Variants in EXOC4 observed in about 807,000 individuals in gnomAD.
EXOC4 encodes the protein SEC8-like 1.
In EXOC4, 71 loss-of-function variants were observed where a neutral mutation model predicts 107.2. The observed-to-expected ratio is 0.66, with a 90% CI of 0.55 to 0.81. The LOEUF (loss-of-function observed/expected upper bound fraction) is 0.81. Among genes scored for constraint, EXOC4 ranks in the 30% least tolerant of loss-of-function variants. EXOC4 has a pLI of 0.00. For synonymous variants in EXOC4, 456 were observed against 441.2 expected, an observed-to-expected ratio of 1.03 and a Z score of -0.42; for missense variants, 1,108 against 1,189.6, an observed-to-expected ratio of 0.93 and a Z score of 1.01.
intron 9 of EXOC4, among the ~76,000 whole-genome samples, chr7:133,622,928 T>C (rs1470538178): frequency 6.6e-6 from 1 of 152,180 alleles, no homozygotes; most frequent in Non-Finnish European, 1.5e-5. Context: ...GTTTGAATAA[T>C]GAACCTACTC....
chr7:133,728,587 C>T (rs1212417455), intron 10 of EXOC4, among the ~76,000 whole-genome samples: 7 of 152,154 alleles, frequency 4.6e-5, no homozygotes, highest in South Asian at 2.1e-4. Context: ...GTAAACTTCC[C>T]TTACTTCATT....
chr7:133,935,919 C>G (rs1038201364), intron 13 of EXOC4, among the ~76,000 whole-genome samples: 1 of 152,158 alleles, frequency 6.6e-6, no homozygotes, highest in African/African-American at 2.4e-5. Flanking sequence ...TTAATCCTTA[C>G]ATTACTTCAT....
chr7:133,697,824 T>G (rs1359935046), intron 10 of EXOC4, among the ~76,000 whole-genome samples: 1 of 152,168 alleles, frequency 6.6e-6, no homozygotes, highest in Non-Finnish European at 1.5e-5. Flanking sequence ...AGATGATAAG[T>G]TATCCACGGT....
intron 17 of EXOC4, among the ~76,000 whole-genome samples, chr7:134,050,937 T>C (rs757152672): frequency 1.7e-4 from 26 of 151,984 alleles, no homozygotes; most frequent in Admixed American, 1.4e-3. Context: ...ACTGTAACAA[T>C]CCAATGAGAA....
intron 11 of EXOC4, among the ~76,000 whole-genome samples, chr7:133,847,875 ATTTTTT>A (rs55923568): frequency 2.8e-4 from 24 of 85,058 alleles, no homozygotes; most frequent in African/African-American, 1.1e-3. Flanking sequence ...TGCCCAGCTA[ATTTTTT>A]TTTTTTTTTT....
At chr7:133,506,488 A>G (rs1186683702) in intron 9 of EXOC4, among the ~76,000 whole-genome samples, 2 of 152,068 alleles carry the variant, frequency 1.3e-5, no homozygotes, top group East Asian at 1.9e-4. Flanking sequence ...TTGGTTTTGT[A>G]TGTTGGGATT....
intron 7 of EXOC4, among the ~76,000 whole-genome samples, chr7:133,431,616 C>G (rs148134665): frequency 3.7e-4 from 57 of 152,292 alleles, no homozygotes; most frequent in South Asian, 1.4e-3. Flanking sequence ...TTCTGCTCTT[C>G]CAGAGTAATA....
chr7:133,672,145 A>T (rs902753253), intron 10 of EXOC4, among the ~76,000 whole-genome samples: 1 of 152,066 alleles, frequency 6.6e-6, no homozygotes, highest in African/African-American at 2.4e-5. Flanking sequence ...TAATCCCAGC[A>T]CTTTGGGAGG....
At chr7:133,827,886 C>G (rs1166977944) in intron 11 of EXOC4, among the ~76,000 whole-genome samples, 1 of 152,136 alleles carries the variant, frequency 6.6e-6, no homozygotes, top group Non-Finnish European at 1.5e-5. Flanking sequence ...AGAAACTTGT[C>G]TGAGCACGAG....
chr7:134,014,126 G>A (rs1174268356), intron 17 of EXOC4, among the ~76,000 whole-genome samples: 2 of 152,220 alleles, frequency 1.3e-5, no homozygotes, highest in Non-Finnish European at 2.9e-5. Flanking sequence ...TAAACAGGTT[G>A]GGCGCGGTGG....
intron 1 of EXOC4, among the ~76,000 whole-genome samples, chr7:133,263,181 G>A (rs1057414640): frequency 6.6e-6 from 1 of 151,930 alleles, no homozygotes; most frequent in African/African-American, 2.4e-5. Flanking sequence ...GTCTTTATTG[G>A]CATCTTGAGA....
chr7:133,722,579 G>C (rs1010193069), intron 10 of EXOC4, among the ~76,000 whole-genome samples: 4 of 152,186 alleles, frequency 2.6e-5, no homozygotes, highest in Non-Finnish European at 5.9e-5. Context: ...AATACAACTG[G>C]TGTAGTAAGC....
chr7:133,504,100 ACAATG>A (rs1429402496), intron 9 of EXOC4, among the ~76,000 whole-genome samples: 2 of 152,130 alleles, frequency 1.3e-5, no homozygotes, highest in Non-Finnish European at 2.9e-5. Flanking sequence ...ACAGAGGAAA[ACAATG>A]TAACAACTTT....
At chr7:133,639,747 A>C (rs1240745552) in intron 10 of EXOC4, among the ~76,000 whole-genome samples, 1 of 152,104 alleles carries the variant, frequency 6.6e-6, no homozygotes, top group African/African-American at 2.4e-5. Flanking sequence ...GGAATGTTTG[A>C]TGTTTTTATG....
At chr7:133,493,422 G>A (rs1799414096) in intron 9 of EXOC4, among the ~76,000 whole-genome samples, 1 of 152,142 alleles carries the variant, frequency 6.6e-6, no homozygotes, top group African/African-American at 2.4e-5. Flanking sequence ...GGGCGACAAA[G>A]CGATACTCTG....
At chr7:133,680,465 A>G (rs1026117061) in intron 10 of EXOC4, among the ~76,000 whole-genome samples, 2 of 152,234 alleles carry the variant, frequency 1.3e-5, no homozygotes, top group Non-Finnish European at 2.9e-5. Context: ...AGCTATAGGA[A>G]GGAAACACAT....
At chr7:134,001,267 A>G (rs529206712) in intron 15 of EXOC4, among the ~76,000 whole-genome samples, 1 of 152,172 alleles carries the variant, frequency 6.6e-6, no homozygotes, top group Non-Finnish European at 1.5e-5. Context: ...GGAGGGCTCT[A>G]AGTAGGTTCA....
At chr7:133,261,635 T>C (rs1795155279) in intron 1 of EXOC4, among the ~76,000 whole-genome samples, 1 of 152,180 alleles carries the variant, frequency 6.6e-6, no homozygotes, top group African/African-American at 2.4e-5. Flanking sequence ...TGAGCTTTGT[T>C]CTGAGATGTG....
chr7:133,381,235 C>G (rs1796612180), intron 7 of EXOC4, among the ~76,000 whole-genome samples: 1 of 140,578 alleles, frequency 7.1e-6, no homozygotes, highest in South Asian at 2.4e-4. Context: ...CTAGTTCTCT[C>G]AGAATTCTTT....
Sources: allele counts gnomAD v4.1 joint callset (sites outside exome capture counted in the v4.1 genomes callset), GRCh38; gene constraint gnomAD v4.1.1; transcripts MANE v1.5; gene names NCBI Gene and HGNC (gene_info 2026-07-23, HGNC 2026-07-21).